GRXCR1: variants seen among roughly 807,000 people sequenced by gnomAD.
GRXCR1 encodes glutaredoxin and cysteine rich domain containing 1.
In GRXCR1, 27 loss-of-function variants were observed where a neutral mutation model predicts 27.3. That is an observed-to-expected ratio of 0.99 (90% confidence interval 0.73 to 1.37). The LOEUF (loss-of-function observed/expected upper bound fraction) is 1.37. Ranked by LOEUF, GRXCR1 falls within the 40% of genes most tolerant of loss-of-function variation. The probability of loss-of-function intolerance (pLI) is 0.00; values close to 1 mark genes in which losing one functional copy is unlikely to be tolerated. For synonymous variants in GRXCR1, 122 were observed against 131.1 expected (o/e 0.93, Z 0.47); for missense variants, 379 against 354.4 (o/e 1.07, Z -0.56).
Position 42,962,956 on chromosome 4 carries a change from G to A in GRXCR1, c.449G>A (p.Arg150Gln), listed in dbSNP as rs200231391. The A allele has an allele frequency of 3.9e-5, 63 of 1,612,498 alleles. No individual in the cohort carries two copies. The highest frequency in any genetic ancestry group is 6.7e-5 in the African/African-American group (5 of 74,790). The change falls in exon 2 of 4, where the codon CGG (arginine) becomes CAG (glutamine). Residue 150 changes from arginine (R) to glutamine (Q), a missense_variant. Arg to Gln is a conservative substitution (Grantham distance 43). Coordinates refer to ENST00000399770, the MANE Select transcript of GRXCR1 (RefSeq NM_001080476.3). ...VIYTTCLRVV[R>Q]TTFERCELVR... The stretch of plus-strand genomic sequence containing the variant: ...TATACCACCTGCCTTCGTGTGGTCC[G>A]GACAACCTTTGAAAGATGTGAACTG...
At chr4:42,947,325 G>A (rs1449805455) in intron 1 of GRXCR1, among the ~76,000 whole-genome samples, 1 of 152,104 alleles carries the variant, frequency 6.6e-6, no homozygotes, top group Non-Finnish European at 1.5e-5. Context: ...ACTTAGGGAC[G>A]AGGGATGTTG....
intron 1 of GRXCR1, among the ~76,000 whole-genome samples, chr4:42,925,968 T>C (rs1475493004): frequency 6.6e-6 from 1 of 152,052 alleles, no homozygotes; most frequent in Non-Finnish European, 1.5e-5. Flanking sequence ...ACTTATTAAA[T>C]ACTGCCATGG....
chr4:43,026,176 CTT>C (rs1400363347), intron 3 of GRXCR1, among the ~76,000 whole-genome samples: 1 of 152,052 alleles, frequency 6.6e-6, no homozygotes, highest in Non-Finnish European at 1.5e-5. Flanking sequence ...ATTCCTAGCT[CTT>C]TTTCTATCTT....
At chr4:42,901,391 C>T (rs192363305) in intron 1 of GRXCR1, among the ~76,000 whole-genome samples, 11 of 152,234 alleles carry the variant, frequency 7.2e-5, no homozygotes, top group South Asian at 2.1e-4. Context: ...GGAGGCTTTA[C>T]GGCAGAATTC....
intron 1 of GRXCR1, among the ~76,000 whole-genome samples, chr4:42,962,240 T>C (rs1472829044): frequency 1.3e-5 from 2 of 151,990 alleles, no homozygotes; most frequent in Admixed American, 6.6e-5. Flanking sequence ...TATGCCTGGC[T>C]TTGACCCACC....
chr4:42,973,965 A>G (rs1243790878), intron 2 of GRXCR1, among the ~76,000 whole-genome samples: 2 of 152,162 alleles, frequency 1.3e-5, no homozygotes, highest in African/African-American at 4.8e-5. Flanking sequence ...CAAAGCACAA[A>G]CAAATTGGTG....
rs1404015505 is a variant in GRXCR1 at position 42,944,195 on chromosome 4, G to T, written c.385-18697G>T. ...GGATGGAAGGTGACTACAGGGTCTG[G>T]TAGAAGATGGACCAACCAAAGGGAA... is the stretch of plus-strand genomic sequence containing the variant. On this transcript the variant is annotated intron_variant, in intron 1 of 3. Transcript: ENST00000399770. 3.9e-5 allele frequency among the ~76,000 whole-genome samples: 6 copies of T among 152,046 alleles called. No individual in the cohort carries two copies. The East Asian group carries it at 1.2e-3, about 29-fold the overall frequency.
At chr4:42,941,703 C>G (rs1040116932) in intron 1 of GRXCR1, among the ~76,000 whole-genome samples, 1 of 151,914 alleles carries the variant, frequency 6.6e-6, no homozygotes, top group African/African-American at 2.4e-5. Flanking sequence ...CCTATAACAC[C>G]ATGGTGTGGG....
At chr4:42,903,778 T>C (rs1746522890) in intron 1 of GRXCR1, among the ~76,000 whole-genome samples, 1 of 128,204 alleles carries the variant, frequency 7.8e-6, no homozygotes, top group Non-Finnish European at 1.7e-5. Context: ...ATATTTTTTA[T>C]ATTTCCATGA....
intron 2 of GRXCR1, among the ~76,000 whole-genome samples, chr4:42,964,034 T>C (rs1318134350): frequency 6.6e-6 from 1 of 152,008 alleles, no homozygotes; most frequent in Non-Finnish European, 1.5e-5. Flanking sequence ...TAATACCCTG[T>C]CATTTTATGA....
chr4:42,910,604 C>T (rs111798322), intron 1 of GRXCR1, among the ~76,000 whole-genome samples: 4 of 152,156 alleles, frequency 2.6e-5, no homozygotes, highest in South Asian at 4.2e-4. Context: ...GTACAAACTG[C>T]GCATAAAACT....
At chr4:42,902,931 A>AG (rs1306009194) in intron 1 of GRXCR1, among the ~76,000 whole-genome samples, 4 of 152,192 alleles carry the variant, frequency 2.6e-5, no homozygotes, top group Non-Finnish European at 4.4e-5. Flanking sequence ...TTTGTCCCCA[A>AG]GGGGTCATCT....
chr4:42,919,923 G>A (rs1303001155), intron 1 of GRXCR1, among the ~76,000 whole-genome samples: 1 of 152,096 alleles, frequency 6.6e-6, no homozygotes, highest in Admixed American at 6.6e-5. Flanking sequence ...TGGTTTGCGG[G>A]AGAAATGGAA....
At chr4:42,962,422 A>G (rs1748145948) in intron 1 of GRXCR1, among the ~76,000 whole-genome samples, 1 of 151,982 alleles carries the variant, frequency 6.6e-6, no homozygotes. Context: ...AGGTCTTGTT[A>G]TTCCCAGGAA....
rs185767311 is a variant in GRXCR1 at position 43,030,421 on chromosome 4, G to T, written c.754G>T (p.Val252Leu). Residue 252 changes from valine (V) to leucine (L), a missense_variant, in exon 4 of 4, where the codon GTG becomes TTG. Physicochemically the swap from Val to Leu is conservative, Grantham distance 32. Transcript: ENST00000399770. ...CGGFGFLPCS[V>L]CHGSKMSMFR... ...AGGCTTTGGCTTTCTTCCATGCTCC[G>T]TGTGCCATGGGAGCAAGATGTCCAT... The T allele has an allele frequency of 1.9e-6, 3 of 1,613,640 alleles. No homozygotes were observed. The Admixed American group carries it at 5.0e-5, about 27-fold the overall frequency.
chr4:42,931,467 T>TA (rs1279024918), intron 1 of GRXCR1, among the ~76,000 whole-genome samples: 1 of 151,958 alleles, frequency 6.6e-6, no homozygotes, highest in Non-Finnish European at 1.5e-5. Flanking sequence ...CTATGGCTGA[T>TA]AAAATGTAAC....
rs1282862813 is a variant in GRXCR1, at chr4:42,945,777, C to G, written c.385-17115C>G. Among the ~76,000 whole-genome samples the G allele has an allele frequency of 2.6e-5, 4 of 152,138 alleles. No homozygotes were observed. In the East Asian group the frequency reaches 7.7e-4, roughly 29 times the overall value. ...CCACGTAGTAAAGGATAACGATGCT[C>G]TCTGTCTTATTTTAGAGGTGGTTAG... On this transcript the variant is annotated intron_variant, in intron 1 of 3. Coordinates refer to ENST00000399770, the MANE Select transcript of GRXCR1 (RefSeq NM_001080476.3).
At chr4:42,987,243 TATATAATATATATATATA>T (rs1163977255) in intron 2 of GRXCR1, among the ~76,000 whole-genome samples, 20 of 76,800 alleles carry the variant, frequency 2.6e-4, no homozygotes, top group Admixed American at 5.2e-4. Flanking sequence ...ATATATATAA[TATATAATATATATATATA>T]ATATATATAT....
At chr4:43,025,526 A>T (rs1713227672) in intron 3 of GRXCR1, among the ~76,000 whole-genome samples, 1 of 152,124 alleles carries the variant, frequency 6.6e-6, no homozygotes, top group Non-Finnish European at 1.5e-5. Context: ...CTTGAGCTCC[A>T]CTCCAAAGTG....
Sources: gnomAD v4.1 joint callset for allele counts (sites outside exome capture counted in the v4.1 genomes callset) on GRCh38, gnomAD v4.1.1 for gene constraint, MANE v1.5 for transcripts, NCBI Gene and HGNC (gene_info 2026-07-23, HGNC 2026-07-21) for gene names.